The following PREX2 variants were observed in gnomAD, a reference collection of about 807,000 sequenced individuals.
PREX2 encodes the protein phosphatidylinositol-3,4,5-trisphosphate dependent Rac exchange factor 2.
PREX2 carries 107 observed loss-of-function variants against 203.2 expected under a neutral mutation model. The ratio of observed to expected loss-of-function variants is 0.53; its 90% confidence interval spans 0.45 to 0.62. PREX2 has a LOEUF of 0.62. PREX2 is among the 20% of genes least tolerant of loss of function. PREX2 has a pLI of 0.00. For missense variants in PREX2, 1,777 were observed against 1,955.9 expected (o/e 0.91, Z 1.72); for synonymous variants, 672 against 663.6 (o/e 1.01, Z -0.19).
chr8:68,164,594 T>TTC (rs1811722077), intron 35 of PREX2, among the ~76,000 whole-genome samples: 1 of 150,236 alleles, frequency 6.7e-6, no homozygotes. Flanking sequence ...TCTTTTTTTT[T>TTC]TTTTTGAGAC....
Position 68,090,686 on chromosome 8 carries a change from G to C in PREX2, c.2221G>C (p.Ala741Pro). The C allele has an allele frequency of 6.2e-7, 1 of 1,613,884 alleles. No individual in the cohort carries two copies. Among genetic ancestry groups the C allele is most frequent in the Non-Finnish European group, 8.5e-7 (1 of 1,179,836 alleles). The change falls in exon 20 of 40, where the codon GCC (alanine) becomes CCC (proline). Residue 741 changes from alanine (A) to proline (P), a missense_variant. Coordinates refer to ENST00000288368, the MANE Select transcript of PREX2 (RefSeq NM_024870.4). ...THASVIAHVT[A>P]CRKYRRPTKQ... ...TGCCAGTGTCATTGCACACGTTACA[G>C]CCTGCAGGAAGTACAGGCGGCCAAC... is the stretch of plus-strand genomic sequence containing the variant.
At chr8:68,187,717 G>C (rs1166302495) in intron 35 of PREX2, among the ~76,000 whole-genome samples, 1 of 152,150 alleles carries the variant, frequency 6.6e-6, no homozygotes, top group East Asian at 1.9e-4. Flanking sequence ...TTCCAGCTTT[G>C]AGATGCCGCC....
intron 3 of PREX2, 144 bp from the exon 4 acceptor site, chr8:68,021,888 TAAAC>T (rs1807578944): frequency 1.9e-6 from 1 of 518,136 alleles, no homozygotes; most frequent in Admixed American, 3.3e-5. Context: ...CCAGGGAAAA[TAAAC>T]AAAATTTATA....
chr8:68,223,393 A>G (rs368521883), intron 38 of PREX2: 1 of 152,350 alleles, frequency 6.6e-6, no homozygotes, highest in South Asian at 2.1e-4. Context: ...GTAACTGCCT[A>G]TGAACAGTCA....
intron 35 of PREX2, among the ~76,000 whole-genome samples, chr8:68,165,058 T>G (rs1811733120): frequency 1.1e-5 from 1 of 89,588 alleles, no homozygotes; most frequent in Admixed American, 1.1e-4. Flanking sequence ...TTCTTACTTT[T>G]GCCTTTTTTT....
chr8:68,067,703 C>A (rs373624403), intron 11 of PREX2, among the ~76,000 whole-genome samples: 1 of 151,938 alleles, frequency 6.6e-6, no homozygotes, highest in East Asian at 1.9e-4. Context: ...AATTGAATGT[C>A]TTTTATTTCT....
intron 34 of PREX2, among the ~76,000 whole-genome samples, chr8:68,155,661 A>G (rs1292295334): frequency 6.6e-6 from 1 of 152,176 alleles, no homozygotes; most frequent in Non-Finnish European, 1.5e-5. Flanking sequence ...TGAGGCTCAT[A>G]AGTAGTGATG....
chr8:68,103,441 A>T, intron 23 of PREX2: 1 of 478,746 alleles, frequency 2.1e-6, no homozygotes, highest in South Asian at 1.6e-5. Context: ...AATGCATTAA[A>T]AACCTGAAGT....
chr8:68,183,588 C>T (rs754339934), intron 35 of PREX2, among the ~76,000 whole-genome samples: 1 of 152,034 alleles, frequency 6.6e-6, no homozygotes, highest in Non-Finnish European at 1.5e-5. Context: ...GTGATATGTA[C>T]ATATCGCAGG....
chr8:68,088,479 A>T (rs1290189480), intron 19 of PREX2, among the ~76,000 whole-genome samples: 1 of 152,226 alleles, frequency 6.6e-6, no homozygotes, highest in Admixed American at 6.5e-5. Flanking sequence ...TGTTTATCTA[A>T]CAAGAGACAT....
rs1196390150 is a variant in PREX2 at position 67,952,216 on chromosome 8, C to T, written c.-179C>T. ...CGCGCCCCCCGCGCCGGGATTTCAG[C>T]CCGATCCCCTCCTCTCCCTGCGCCC... On this transcript the variant is annotated 5_prime_UTR_variant, in exon 1 of 40. Coordinates refer to ENST00000288368, the MANE Select transcript of PREX2 (RefSeq NM_024870.4). The T allele has an allele frequency of 1.5e-5, 7 of 474,282 alleles. No individual in the cohort carries two copies. The highest frequency in any genetic ancestry group is 1.2e-4 in the African/African-American group (6 of 48,750). The allele number at this position is 474,282 out of a possible 1,614,324, so 29.4% of individuals were successfully genotyped here.
chr8:67,983,959 A>G (rs1157849253), intron 1 of PREX2, among the ~76,000 whole-genome samples: 2 of 152,142 alleles, frequency 1.3e-5, no homozygotes, highest in Non-Finnish European at 2.9e-5. Context: ...TGCCTGGCAC[A>G]TAGTAGTGCA....
chr8:68,021,844 C>T (rs573714124), intron 3 of PREX2, among the ~76,000 whole-genome samples, 192 bp from the exon 4 acceptor site: 6 of 152,224 alleles, frequency 3.9e-5, no homozygotes, highest in East Asian at 1.9e-4. Context: ...AACTGATATA[C>T]GTCTATCTCC....
At chr8:68,156,244 T>A (rs1240766469) in intron 34 of PREX2, among the ~76,000 whole-genome samples, 1 of 152,140 alleles carries the variant, frequency 6.6e-6, no homozygotes, top group East Asian at 1.9e-4. Context: ...AACTTTGTTT[T>A]TTTAGAGACA....
chr8:68,129,726 G>A (rs533047595), intron 31 of PREX2, among the ~76,000 whole-genome samples: 1 of 152,054 alleles, frequency 6.6e-6, no homozygotes, highest in African/African-American at 2.4e-5. Flanking sequence ...TAAAACATGT[G>A]TTAGAAGATG....
chr8:68,143,231 G>A (rs889904931), intron 33 of PREX2, among the ~76,000 whole-genome samples: 1 of 151,864 alleles, frequency 6.6e-6, no homozygotes, highest in African/African-American at 2.4e-5. Context: ...TTGGATCATG[G>A]GGGTGGATTT....
chr8:68,057,931 A>T (rs1808728188), intron 10 of PREX2, among the ~76,000 whole-genome samples: 1 of 152,206 alleles, frequency 6.6e-6, no homozygotes, highest in African/African-American at 2.4e-5. Flanking sequence ...CTTCACTTAC[A>T]CTGTGTCATA....
chr8:68,112,878 T>G (rs1352181166), intron 25 of PREX2, among the ~76,000 whole-genome samples: 1 of 152,204 alleles, frequency 6.6e-6, no homozygotes, highest in African/African-American at 2.4e-5. Context: ...TGTTAAGGAC[T>G]TAGCATCGTG....
At chr8:67,980,832 A>G (rs1806245933) in intron 1 of PREX2, among the ~76,000 whole-genome samples, 1 of 152,162 alleles carries the variant, frequency 6.6e-6, no homozygotes, top group Non-Finnish European at 1.5e-5. Flanking sequence ...CATGATCGTA[A>G]GTTTCCTGAG....
Sources: gnomAD v4.1 joint callset for allele counts (sites outside exome capture counted in the v4.1 genomes callset) on GRCh38, gnomAD v4.1.1 for gene constraint, MANE v1.5 for transcripts, NCBI Gene and HGNC (gene_info 2026-07-23, HGNC 2026-07-21) for gene names.